SRRM2: variants seen among roughly 807,000 people sequenced by gnomAD.
SRRM2 encodes the protein serine/arginine repetitive matrix 2.
A neutral mutation model predicts 213.8 loss-of-function variants in SRRM2; 30 were observed. That is an observed-to-expected ratio of 0.14 (90% CI 0.10 to 0.19). The LOEUF is 0.19. Among genes scored for constraint, SRRM2 ranks in the 10% least tolerant of loss-of-function variants. The pLI, the probability that SRRM2 is intolerant of heterozygous loss-of-function variation, is 1.00. For missense variants in SRRM2, 4,904 were observed against 3,647.0 expected, an observed-to-expected ratio of 1.34 and a Z score of -8.88; for synonymous variants, 2,025 against 1,377.7, an observed-to-expected ratio of 1.47 and a Z score of -10.40.
chr16:2,758,568 C>A (rs757617367), intron 5 of SRRM2, 21 bp downstream of exon 5: 1 of 1,604,550 alleles, frequency 6.2e-7, no homozygotes, highest in East Asian at 2.2e-5. Flanking sequence ...TGGAAAGTGA[C>A]TCTGATAGCC....
At chr16:2,757,372 A>G (rs762275452) in intron 2 of SRRM2, 100 bp from the exon 3 acceptor site, 2 of 967,426 alleles carry the variant, frequency 2.1e-6, no homozygotes, top group African/African-American at 1.6e-5. Flanking sequence ...CTGTGTGCGC[A>G]TGGAGAGGGA....
rs1230781783 is a variant in SRRM2 at position 2,770,594 on chromosome 16, T to C, written c.8136-10T>C. The stretch of plus-strand genomic sequence containing the variant: ...CCACCCTGTGGCCTGATGTCTGTCC[T>C]GTGTTGCAGCAGCAGCAGTGAGCGG... On this transcript the variant is annotated splice_polypyrimidine_tract_variant and intron_variant, in intron 13 of 14. Transcript: ENST00000301740. The C allele has an allele frequency of 1.3e-6, 2 of 1,553,304 alleles. No homozygotes were observed. Among genetic ancestry groups the C allele is most frequent in the South Asian group, 1.2e-5 (1 of 84,352 alleles).
Position 2,770,666 on chromosome 16 carries a change from A to G in SRRM2, c.8198A>G (p.Lys2733Arg), listed in dbSNP as rs1311416685. 2.6e-6 allele frequency: 4 copies of G among 1,554,848 alleles called. No homozygotes were observed. The highest frequency in any genetic ancestry group is 4.8e-5 in the East Asian group (2 of 41,258). ...QRGDSRSPSH[K>R]RRRETPSPRP... ...GGGGACAGCCGCTCCCCCAGCCACAAGCGCAGGAGGGAGACACCTAGCCCT... is the reference window on the plus strand; with the variant it reads ...GGGGACAGCCGCTCCCCCAGCCACAGGCGCAGGAGGGAGACACCTAGCCCT... The change falls in exon 14 of 15, where the codon AAG (lysine) becomes AGG (arginine). Residue 2733 changes from lysine to arginine, a missense_variant. By Grantham distance (26) the Lys-to-Arg change is conservative. Transcript: ENST00000301740.
Position 2,758,349 on chromosome 16 carries a change from C to A in SRRM2, c.516-121C>A. 4.3e-6 allele frequency: 4 copies of A among 932,262 alleles called. No homozygotes were observed. In the South Asian group the frequency reaches 6.2e-5, roughly 14 times the overall value. The allele number at this position is 932,262 out of a possible 1,614,324, so 57.7% of individuals were successfully genotyped here. ...TGCTGCCACTGCACCCCACCTGAGG[C>A]AACAGAGCGAGACTCTTATTTTTTT... On this transcript the variant is annotated intron_variant, in intron 4 of 14. Transcript: ENST00000301740.
chr16:2,757,240 TC>T (rs919202250), intron 2 of SRRM2, among the ~76,000 whole-genome samples: 1 of 152,136 alleles, frequency 6.6e-6, no homozygotes, highest in African/African-American at 2.4e-5. Context: ...TTAACTTTTT[TC>T]TTTTGGTCCC....
At chr16:2,755,900 C>G (rs536206048) in intron 1 of SRRM2, among the ~76,000 whole-genome samples, 49 of 152,158 alleles carry the variant, frequency 3.2e-4, no homozygotes, top group African/African-American at 1.0e-3. Context: ...TTTGTTGTGA[C>G]CAGGAGGCTT....
At position 2,762,409 on chromosome 16, in the gene SRRM2, C is replaced by T. The variant is rs761796112; in HGVS notation, c.1881C>T (p.Thr627=). Residue 627 remains threonine, a synonymous_variant, in exon 11 of 15, where the codon ACC becomes ACT. Coordinates refer to ENST00000301740, the MANE Select transcript of SRRM2 (RefSeq NM_016333.4). ...CACCTGCTAGGCGCAGATCTAGGACCCGATCACCAGTACGACGCAGGTCTC... is the reference window on the plus strand; with the variant it reads ...CACCTGCTAGGCGCAGATCTAGGACTCGATCACCAGTACGACGCAGGTCTC... ...SRTPARRRSR[T]RSPVRRRSRS... is the part of the protein sequence containing the mutation. The T allele has an allele frequency of 1.3e-5, 21 of 1,613,980 alleles. No individual in the cohort carries two copies. The highest frequency in any genetic ancestry group is 1.7e-5 in the Non-Finnish European group (20 of 1,179,978).
In SRRM2 at chr16:2,771,316, C is replaced by T. The variant is rs774744347; in HGVS notation, c.*449C>T. On this transcript the variant is annotated 3_prime_UTR_variant, in exon 15 of 15. Transcript: ENST00000301740. ...CCCCCATGAGGTTGTGAACCCCTCC[C>T]CCCAACTTTTCATGTTTCTTAAAGG... is the stretch of plus-strand genomic sequence containing the variant. The T allele has an allele frequency of 2.4e-6, 3 of 1,257,102 alleles. No individual in the cohort carries two copies. Among genetic ancestry groups the T allele is most frequent in the Non-Finnish European group, 2.3e-6 (2 of 866,100 alleles). 77.9% of individuals were successfully genotyped at this position (1,257,102 alleles called of 1,614,324 possible).
At position 2,763,061 on chromosome 16, in the gene SRRM2, A is replaced by C. The variant is rs1334938342; in HGVS notation, c.2533A>C (p.Lys845Gln). ...HSSSSPHPKV[K>Q]SGTPPRQGSI... is the part of the protein sequence containing the mutation. The stretch of plus-strand genomic sequence containing the variant: ...CAGTTCATCTCCTCATCCTAAAGTG[A>C]AATCTGGAACACCACCGAGGCAAGG... Residue 845 changes from lysine (K) to glutamine (Q), a missense_variant, in exon 11 of 15, where the codon AAA becomes CAA. Coordinates refer to ENST00000301740, the MANE Select transcript of SRRM2 (RefSeq NM_016333.4). The C allele has an allele frequency of 6.2e-7, 1 of 1,614,168 alleles. No homozygotes were observed. Among genetic ancestry groups the C allele is most frequent in the Admixed American group, 1.7e-5 (1 of 60,024 alleles).
rs2068725543 is a variant in SRRM2, at chr16:2,770,961, C to T, written c.*94C>T. 1 of 1,541,136 alleles carries T rather than the reference C, an allele frequency of 6.5e-7. No individual in the cohort carries two copies. Among genetic ancestry groups the T allele is most frequent in the East Asian group, 2.3e-5 (1 of 44,040 alleles). On this transcript the variant is annotated 3_prime_UTR_variant, in exon 15 of 15. Transcript: ENST00000301740. ...AGAGCCGTGGGAGGGTCCTTGTCTG[C>T]TCTCCTTTGAACCTTGGCAGCCCTT...
rs2068141622 is a variant in SRRM2 at position 2,756,374 on chromosome 16, G to A, written c.10G>A (p.Gly4Arg). Residue 4 changes from glycine to arginine, a missense_variant, in exon 2 of 15, where the codon GGG (glycine) becomes AGG (arginine). By Grantham distance (125) the Gly-to-Arg change is moderately radical. Coordinates refer to ENST00000301740, the MANE Select transcript of SRRM2 (RefSeq NM_016333.4). ...CCCCGGGCACGGGGCCATGTACAAC[G>A]GGATCGGGCTGCCGACGCCCCGGGG... is the stretch of plus-strand genomic sequence containing the variant. Reference protein sequence around the residue: MYNGIGLPTPRGSG... With the variant: MYNRIGLPTPRGSG... The A allele has an allele frequency of 6.2e-7, 1 of 1,604,502 alleles. No individual in the cohort carries two copies. The highest frequency in any genetic ancestry group is 8.5e-7 in the Non-Finnish European group (1 of 1,177,164).
chr16:2,758,672 C>T (rs141669077), intron 5 of SRRM2, 125 bp downstream of exon 5: 3 of 897,416 alleles, frequency 3.3e-6, no homozygotes, highest in East Asian at 2.5e-5. Context: ...GAGGGAGTTA[C>T]CATTGAGGCC....
Position 2,759,618 on chromosome 16 carries a change from A to C in SRRM2, c.790A>C (p.Thr264Pro). ...APKSRRAHRS[T>P]SADSASSSDT... ...CAAGAGCCGCCGGGCCCACCGTTCA[A>C]CTTCTGCTGACTCTGCTTCCTCCTC... The change falls in exon 9 of 15, where the codon ACT becomes CCT. Residue 264 changes from threonine (T) to proline (P), a missense_variant. Transcript: ENST00000301740. 6.2e-7 allele frequency: 1 copy of C among 1,614,032 alleles called. No individual in the cohort carries two copies. Among genetic ancestry groups the C allele is most frequent in the Non-Finnish European group, 8.5e-7 (1 of 1,179,962 alleles).
rs751142801 is a variant in SRRM2, at chr16:2,766,325, C to T, written c.5797C>T (p.Arg1933Cys). 41 of 1,614,004 alleles carry T rather than the reference C, an allele frequency of 2.5e-5. No individual in the cohort carries two copies. The highest frequency in any genetic ancestry group is 1.6e-4 in the Middle Eastern group (1 of 6,084). ...SRSRTPPVTRRRSRSRTPTTR... is the reference protein window; with the variant it reads ...SRSRTPPVTRCRSRSRTPTTR... The stretch of plus-strand genomic sequence containing the variant: ...ATCCAGAACGCCACCAGTAACCCGC[C>T]GTCGTTCAAGGTCTAGAACGCCAAC... Residue 1933 changes from arginine to cysteine, a missense_variant, in exon 11 of 15, where the codon CGT (arginine) becomes TGT (cysteine). Coordinates refer to ENST00000301740, the MANE Select transcript of SRRM2 (RefSeq NM_016333.4). The surrounding 1 kb of genome is among the most constrained non-coding windows in gnomAD (Gnocchi z 7.0).
Position 2,764,648 on chromosome 16 carries a change from C to G in SRRM2, c.4120C>G (p.Gln1374Glu), listed in dbSNP as rs185679149. ...AGATCCATCTCTAGACATGAAAGAA[C>G]AATCGACAAGATCCTCTGGACACAG... is the stretch of plus-strand genomic sequence containing the variant. The part of the protein sequence containing the change: ...ETDPSLDMKE[Q>E]STRSSGHSSS... The change falls in exon 11 of 15, where the codon CAA becomes GAA. Residue 1374 changes from glutamine (Q) to glutamate (E), a missense_variant. Gln to Glu is a conservative substitution (Grantham distance 29, BLOSUM62 2). Transcript: ENST00000301740. 1 of 1,614,152 alleles carries G rather than the reference C, an allele frequency of 6.2e-7. No homozygotes were observed. Among genetic ancestry groups the G allele is most frequent in the Non-Finnish European group, 8.5e-7 (1 of 1,180,030 alleles).
Position 2,756,589 on chromosome 16 carries a change from G to T in SRRM2, c.225G>T (p.Glu75Asp). 1 of 1,613,336 alleles carries T rather than the reference G, an allele frequency of 6.2e-7. No homozygotes were observed. Among genetic ancestry groups the T allele is most frequent in the Non-Finnish European group, 8.5e-7 (1 of 1,179,568 alleles). ...AGCTGCGATGCCTCGAGCTGGAGGA[G>T]ATGATGGAAGAGCAGGGGTGAGGGA... ...RVELRCLELE[E>D]MMEEQGYEEQ... Residue 75 changes from glutamate (E) to aspartate (D), a missense_variant, in exon 2 of 15, where the codon GAG (glutamate) becomes GAT (aspartate). Coordinates refer to ENST00000301740, the MANE Select transcript of SRRM2 (RefSeq NM_016333.4).
Position 2,760,418 on chromosome 16 carries a change from C to T in SRRM2, c.951C>T (p.Ser317=). ...DAPFSEPGTT[S]TQRPSSPETA... ...CTTTCAGTGAACCAGGTACTACCAG[C>T]ACACAACGGCCTAGTAGCCCGGAGA... The change falls in exon 10 of 15, where the codon AGC becomes AGT. Residue 317 remains serine, a synonymous_variant. Transcript: ENST00000301740. The T allele has an allele frequency of 6.2e-7, 1 of 1,614,154 alleles. No individual in the cohort carries two copies. Among genetic ancestry groups the T allele is most frequent in the Non-Finnish European group, 8.5e-7 (1 of 1,180,054 alleles).
At position 2,770,972 on chromosome 16, in the gene SRRM2, A is replaced by G. The variant is rs1212200879; in HGVS notation, c.*105A>G. ...AGGGTCCTTGTCTGCTCTCCTTTGA[A>G]CCTTGGCAGCCCTTGGATGGAGGGC... is the stretch of plus-strand genomic sequence containing the variant. On this transcript the variant is annotated 3_prime_UTR_variant, in exon 15 of 15. Coordinates refer to ENST00000301740, the MANE Select transcript of SRRM2 (RefSeq NM_016333.4). The G allele has an allele frequency of 2.7e-6, 4 of 1,454,712 alleles. No individual in the cohort carries two copies. Among genetic ancestry groups the G allele is most frequent in the Non-Finnish European group, 3.8e-6 (4 of 1,060,292 alleles). 90.1% of individuals were successfully genotyped at this position (1,454,712 alleles called of 1,614,324 possible).
At chr16:2,760,726 A>G in intron 10 of SRRM2, 2 of 537,994 alleles carry the variant, frequency 3.7e-6, no homozygotes, top group Non-Finnish European at 3.3e-6. Flanking sequence ...TAGGTTTTAT[A>G]TTGTGTCTTG....
Sources: allele counts gnomAD v4.1 joint callset (sites outside exome capture counted in the v4.1 genomes callset), GRCh38; gene constraint gnomAD v4.1.1; non-coding constraint Gnocchi (gnomAD v3.1); transcripts MANE v1.5; gene names NCBI Gene and HGNC (gene_info 2026-07-23, HGNC 2026-07-21).